The following ACACA variants were observed in gnomAD, a reference collection of about 807,000 sequenced individuals.
The protein encoded by ACACA is acetyl-CoA carboxylase alpha.
Under a neutral mutation model 296.1 loss-of-function variants are expected in ACACA, and 103 were observed. The observed-to-expected ratio is 0.35, with a 90% CI of 0.30 to 0.41. The LOEUF is 0.41. Ranked by LOEUF, ACACA falls within the 10% of genes least tolerant of loss-of-function variation. ACACA has a pLI of 1.00. For missense variants in ACACA, 1,554 were observed against 2,989.7 expected (o/e 0.52, Z 11.20); for synonymous variants, 953 against 1,038.6 (o/e 0.92, Z 1.58).
At chr17:37,179,453 A>T in intron 40 of ACACA, 47 bp from the exon 41 acceptor site, 1 of 1,593,924 alleles carries the variant, frequency 6.3e-7, no homozygotes, top group Non-Finnish European at 8.6e-7. Flanking sequence ...TAATTTCAAT[A>T]TAGACAAAAA....
At chr17:37,318,606 A>G (rs564980075) in intron 3 of ACACA, among the ~76,000 whole-genome samples, 1 of 152,344 alleles carries the variant, frequency 6.6e-6, no homozygotes, top group Non-Finnish European at 1.5e-5. Context: ...TATATTTGCC[A>G]TCATCAAAAG....
At chr17:37,150,594 A>G (rs965883920) in intron 44 of ACACA, among the ~76,000 whole-genome samples, 9 of 151,882 alleles carry the variant, frequency 5.9e-5, no homozygotes, top group African/African-American at 2.2e-4. Flanking sequence ...TCACTACAAA[A>G]AAGTTAAAAA....
At chr17:37,203,285 C>T (rs2078354420) in intron 33 of ACACA, among the ~76,000 whole-genome samples, 1 of 151,800 alleles carries the variant, frequency 6.6e-6, no homozygotes, top group Non-Finnish European at 1.5e-5. Context: ...GATCAACATG[C>T]GTTGATAAGT....
chr17:37,144,048 C>A, intron 45 of ACACA: 1 of 768,196 alleles, frequency 1.3e-6, no homozygotes. Flanking sequence ...TTTTTGTCTC[C>A]CCTTCAGGAG....
At chr17:37,286,174 G>A (rs1158519746) in intron 3 of ACACA, among the ~76,000 whole-genome samples, 2 of 152,148 alleles carry the variant, frequency 1.3e-5, no homozygotes, top group Non-Finnish European at 2.9e-5. Context: ...ACAGGCATGA[G>A]CCACCGCGCC....
intron 1 of ACACA, among the ~76,000 whole-genome samples, chr17:37,358,790 C>T (rs1276592007): frequency 6.6e-6 from 1 of 152,208 alleles, no homozygotes; most frequent in Non-Finnish European, 1.5e-5. Context: ...AGACCCCAGA[C>T]CTCTCCATGT....
rs1339770071 is a variant in ACACA at position 37,342,442 on chromosome 17, T to A, written c.39-2592A>T. On this transcript the variant is annotated intron_variant, in intron 1 of 55. Coordinates refer to ENST00000616317, the MANE Select transcript of ACACA (RefSeq NM_198834.3). Reference sequence around the variant, plus strand: ...AAAAAAAAAAAAAAAAAAAAATATATATATATATATATATATACACACACA... The same window carrying A: ...AAAAAAAAAAAAAAAAAAAAATATAAATATATATATATATATACACACACA... 8.6e-3 allele frequency among the ~76,000 whole-genome samples: 851 copies of A among 98,966 alleles called. 2 individuals are homozygous for A. Among genetic ancestry groups the A allele is most frequent in the Non-Finnish European group, 0.011 (579 of 50,838 alleles). 64.9% of individuals were successfully genotyped at this position (98,966 alleles called of 152,430 possible).
At chr17:37,400,648 T>C (rs2051249009) in intron 1 of ACACA, among the ~76,000 whole-genome samples, 1 of 152,194 alleles carries the variant, frequency 6.6e-6, no homozygotes, top group African/African-American at 2.4e-5. Context: ...TTATTTCACT[T>C]AGCATAATGT....
At chr17:37,289,390 G>C (rs2082939820) in intron 3 of ACACA, 2 of 1,229,386 alleles carry the variant, frequency 1.6e-6, no homozygotes, top group South Asian at 2.5e-5. Flanking sequence ...AGGTAACACA[G>C]AGAATAAGGC....
intron 3 of ACACA, among the ~76,000 whole-genome samples, chr17:37,286,869 C>T (rs2082800062): frequency 6.6e-6 from 1 of 152,204 alleles, no homozygotes; most frequent in Admixed American, 6.5e-5. Context: ...GTAACACTAC[C>T]TCCCCTTTTG....
intron 45 of ACACA, among the ~76,000 whole-genome samples, 167 bp from the exon 46 acceptor site, chr17:37,130,385 A>C (rs2075030495): frequency 6.6e-6 from 1 of 152,164 alleles, no homozygotes; most frequent in Non-Finnish European, 1.5e-5. Flanking sequence ...TAAAAAGAAA[A>C]CTTAGAAAAC....
chr17:37,356,261 AT>A (rs1288795030), intron 1 of ACACA, among the ~76,000 whole-genome samples: 1 of 152,262 alleles, frequency 6.6e-6, no homozygotes, highest in East Asian at 1.9e-4. Context: ...AATGGTAATT[AT>A]CTCAATAGTT....
chr17:37,175,371 G>A (rs17138935), intron 41 of ACACA, among the ~76,000 whole-genome samples: 2,223 of 152,270 alleles, frequency 0.015, 51 homozygotes, highest in South Asian at 0.1. Context: ...ACTGGATTGC[G>A]AACTGTTACT....
chr17:37,167,542 C>T (rs1035479734), intron 41 of ACACA, among the ~76,000 whole-genome samples: 3 of 151,776 alleles, frequency 2.0e-5, no homozygotes, highest in African/African-American at 7.3e-5. Flanking sequence ...TGGTCTCGAA[C>T]CCCTGACCTC....
chr17:37,094,768 T>C (rs896194278), intron 54 of ACACA, among the ~76,000 whole-genome samples: 1 of 152,202 alleles, frequency 6.6e-6, no homozygotes, highest in Non-Finnish European at 1.5e-5. Context: ...CCTGACATCA[T>C]AGGATTACCC....
chr17:37,087,318 A>G lies in ACACA; in HGVS notation c.7150T>C (p.Ter2384GlnextTer16). The G allele has an allele frequency of 1.2e-6, 2 of 1,614,160 alleles. No individual in the cohort carries two copies. The highest frequency in any genetic ancestry group is 1.7e-6 in the Non-Finnish European group (2 of 1,180,018). ...ILSTMDSPST[*>Q] ...CAGGGACAGGCAGGAAGCTCTTCCT[A>G]CGTGGAAGGGGAATCCATTGTGGAG... Residue 2384 changes from the stop codon to glutamine (Q), a stop_lost, in exon 56 of 56, where the codon TAG becomes CAG. Transcript: ENST00000616317.
chr17:37,161,681 T>C, intron 42 of ACACA, 100 bp downstream of exon 42: 1 of 1,383,092 alleles, frequency 7.2e-7, no homozygotes, highest in Non-Finnish European at 1.0e-6. Context: ...TTACCATAAG[T>C]GGTGATTTTT....
rs1009363273 is a variant in ACACA, at chr17:37,373,160, T to A, written c.38+33102A>T. Among the ~76,000 whole-genome samples the A allele has an allele frequency of 6.6e-5, 10 of 152,292 alleles. No homozygotes were observed. In the East Asian group the frequency reaches 1.9e-3, roughly 29 times the overall value. ...TCCCAAAGTGCTGGGATTATGGGCG[T>A]GAGCCACGGTGCCCGGCCTACTCCT... is the stretch of plus-strand genomic sequence containing the variant. On this transcript the variant is annotated intron_variant, in intron 1 of 55. Coordinates refer to ENST00000616317, the MANE Select transcript of ACACA (RefSeq NM_198834.3).
At chr17:37,361,041 T>C (rs1020849490) in intron 1 of ACACA, among the ~76,000 whole-genome samples, 4 of 114,728 alleles carry the variant, frequency 3.5e-5, no homozygotes, top group African/African-American at 1.6e-4. Context: ...CCCAGGATTC[T>C]TTTTTTTTTT....
Sources: gnomAD v4.1 joint callset for allele counts (sites outside exome capture counted in the v4.1 genomes callset) on GRCh38, gnomAD v4.1.1 for gene constraint, MANE v1.5 for transcripts, NCBI Gene and HGNC (gene_info 2026-07-23, HGNC 2026-07-21) for gene names.